Variants in ZC3H13 observed in about 807,000 individuals in gnomAD.
ZC3H13 encodes zinc finger CCCH domain-containing protein 13.
ZC3H13 carries 64 observed loss-of-function variants against 204.1 expected under a neutral mutation model. The ratio of observed to expected loss-of-function variants is 0.31; its 90% CI spans 0.26 to 0.39. The LOEUF is 0.39. Among genes scored for constraint, ZC3H13 ranks in the 10% least tolerant of loss-of-function variants. The pLI, the probability that ZC3H13 is intolerant of heterozygous loss-of-function variation, is 1.00. For synonymous variants in ZC3H13, 667 were observed against 693.7 expected, an observed-to-expected ratio of 0.96 and a Z score of 0.60; for missense variants, 1,833 against 2,082.7, an observed-to-expected ratio of 0.88 and a Z score of 2.33.
intron 8 of ZC3H13, among the ~76,000 whole-genome samples, chr13:45,995,997 A>T (rs967473855): frequency 6.6e-6 from 1 of 152,222 alleles, no homozygotes; most frequent in African/African-American, 2.4e-5. Context: ...TAGCATTATG[A>T]TTAAAACATA....
At chr13:46,023,785 CTT>C (rs769173333) in intron 4 of ZC3H13, among the ~76,000 whole-genome samples, 54 of 152,292 alleles carry the variant, frequency 3.5e-4, no homozygotes, top group Middle Eastern at 3.4e-3. Context: ...AATATTCACT[CTT>C]GTTTTCATTT....
At chr13:45,994,611 G>A (rs2040201509) in intron 8 of ZC3H13, among the ~76,000 whole-genome samples, 1 of 152,158 alleles carries the variant, frequency 6.6e-6, no homozygotes, top group Non-Finnish European at 1.5e-5. Context: ...ACAAATAGCT[G>A]GTATTCCTGC....
intron 4 of ZC3H13, among the ~76,000 whole-genome samples, chr13:46,029,101 G>A (rs2042718478): frequency 6.6e-6 from 1 of 151,980 alleles, no homozygotes; most frequent in African/African-American, 2.4e-5. Context: ...ATTATCAATA[G>A]GAGAAACAAA....
intron 5 of ZC3H13, among the ~76,000 whole-genome samples, chr13:46,017,773 T>A (rs1368803910): frequency 6.6e-6 from 1 of 152,016 alleles, no homozygotes; most frequent in Non-Finnish European, 1.5e-5. Flanking sequence ...ATGCAGAAGG[T>A]AAGTCTATGA....
intron 9 of ZC3H13, among the ~76,000 whole-genome samples, chr13:45,987,462 C>T (rs761907145): frequency 7.9e-5 from 12 of 151,910 alleles, no homozygotes; most frequent in African/African-American, 1.7e-4. Context: ...TAGAAAGGTA[C>T]AATATAAGAG....
In ZC3H13 at chr13:46,006,083, C is replaced by CTA. The variant is rs147786821; in HGVS notation, c.747-2748_747-2747insTA. On this transcript the variant is annotated intron_variant, in intron 7 of 18. Coordinates refer to ENST00000679008, the MANE Select transcript of ZC3H13 (RefSeq NM_001330564.2). ...CTGGGTGACAGAGTGGGACTCTGTCCCAAAAAAAAAAAAAAAAGTTGTTCA... is the reference window on the plus strand; with the variant it reads ...CTGGGTGACAGAGTGGGACTCTGTCCTACAAAAAAAAAAAAAAAAGTTGTTCA... Among the ~76,000 whole-genome samples, 1,170 of 146,218 alleles carry CTA rather than the reference C, an allele frequency of 8.0e-3. 25 individuals are homozygous for CTA. Among genetic ancestry groups the CTA allele is most frequent in the African/African-American group, 0.018 (710 of 39,608 alleles).
At chr13:46,005,334 A>G (rs898397875) in intron 7 of ZC3H13, among the ~76,000 whole-genome samples, 3 of 152,158 alleles carry the variant, frequency 2.0e-5, no homozygotes, top group African/African-American at 4.8e-5. Context: ...CAGTTACTGT[A>G]TCTCTTGGAT....
intron 4 of ZC3H13, among the ~76,000 whole-genome samples, chr13:46,033,654 G>A (rs545864859): frequency 2.7e-4 from 41 of 152,142 alleles, no homozygotes; most frequent in Non-Finnish European, 5.7e-4. Context: ...CTAATCTAGC[G>A]GTAAAAGCTT....
At chr13:46,015,057 T>C (rs916660228) in intron 5 of ZC3H13, among the ~76,000 whole-genome samples, 2 of 152,330 alleles carry the variant, frequency 1.3e-5, no homozygotes, top group East Asian at 1.9e-4. Flanking sequence ...TATTTTTCTA[T>C]GACATTATTT....
chr13:45,979,841 C>A lies in ZC3H13; in HGVS notation c.1884G>T (p.Glu628Asp). The A allele has an allele frequency of 6.3e-7, 1 of 1,596,062 alleles. No homozygotes were observed. Among genetic ancestry groups the A allele is most frequent in the Non-Finnish European group, 8.5e-7 (1 of 1,172,640 alleles). ...RDSSFERRHGERDRRDNRERD... is the reference protein window; with the variant it reads ...RDSSFERRHGDRDRRDNRERD... ...TCTCTCTGTTGTCACGACGGTCTCG[C>A]TCTCCATGTCTTCTCTCAAAGGAAG... Residue 628 changes from glutamate (E) to aspartate (D), a missense_variant, in exon 11 of 19, where the codon GAG (glutamate) becomes GAT (aspartate). Transcript: ENST00000679008.
At chr13:45,958,381 C>T (rs543179729) in intron 18 of ZC3H13, among the ~76,000 whole-genome samples, 1 of 152,184 alleles carries the variant, frequency 6.6e-6, no homozygotes, top group Non-Finnish European at 1.5e-5. Flanking sequence ...ATCACACCAA[C>T]TCTCTTTTGT....
rs138620169 is a variant in ZC3H13, at chr13:45,969,154, G to C, written c.3390C>G (p.Phe1130Leu). The change falls in exon 14 of 19, where the codon TTC becomes TTG. Residue 1130 changes from phenylalanine to leucine, a missense_variant. Physicochemically the swap from Phe to Leu is conservative, Grantham distance 22. Transcript: ENST00000679008. Reference protein sequence around the residue: ...AATTAAAATSFSTSAITISTS... With the variant: ...AATTAAAATSLSTSAITISTS... ...TGGAAATAGTGATGGCAGATGTGCTGAAAGAGGTGGCGGCAGCAGCAGTAG... is the reference window on the plus strand; with the variant it reads ...TGGAAATAGTGATGGCAGATGTGCTCAAAGAGGTGGCGGCAGCAGCAGTAG... 1 of 1,614,024 alleles carries C rather than the reference G, an allele frequency of 6.2e-7. No individual in the cohort carries two copies. Among genetic ancestry groups the C allele is most frequent in the Non-Finnish European group, 8.5e-7 (1 of 1,180,008 alleles).
Position 45,969,307 on chromosome 13 carries a change from T to C in ZC3H13, c.3237A>G (p.Thr1079=). The C allele has an allele frequency of 6.2e-7, 1 of 1,613,936 alleles. No individual in the cohort carries two copies. ...DEDVPDRTEV[T]EAEHTATATT... is the part of the protein sequence containing the mutation. ...TGGCGGTGGCAGTATGCTCTGCTTCTGTCACCTCTGTACGGTCAGGGACAT... is the reference window on the plus strand; with the variant it reads ...TGGCGGTGGCAGTATGCTCTGCTTCCGTCACCTCTGTACGGTCAGGGACAT... The change falls in exon 14 of 19, where the codon ACA becomes ACG. Residue 1079 remains threonine, a synonymous_variant. Transcript: ENST00000679008.
At chr13:45,987,943 C>A (rs1280595305) in intron 9 of ZC3H13, among the ~76,000 whole-genome samples, 1 of 152,108 alleles carries the variant, frequency 6.6e-6, no homozygotes, top group East Asian at 1.9e-4. Context: ...TAGGGAGTAG[C>A]AAATCCAAAG....
chr13:46,010,614 T>G, intron 6 of ZC3H13, 109 bp from the exon 7 acceptor site: 1 of 1,219,004 alleles, frequency 8.2e-7, no homozygotes, highest in Non-Finnish European at 1.1e-6. Context: ...TAAATATTAT[T>G]GCCGGGTGCA....
Position 45,959,756 on chromosome 13 carries a change from TG to T in ZC3H13, c.4676-111del, listed in dbSNP as rs1951539600. 5.7e-6 allele frequency: 7 copies of T among 1,218,680 alleles called. No homozygotes were observed. In the South Asian group the frequency reaches 1.2e-4, roughly 21 times the overall value. The allele number at this position is 1,218,680 out of a possible 1,614,324, so 75.5% of individuals were successfully genotyped here. On this transcript the variant is annotated intron_variant, in intron 17 of 18. Coordinates refer to ENST00000679008, the MANE Select transcript of ZC3H13 (RefSeq NM_001330564.2). ...TATACTTTATTAAAGTTAGCAACATTGGTGAAAATTATTTCACATTAAAGGC... is the reference window on the plus strand; with the variant it reads ...TATACTTTATTAAAGTTAGCAACATTGTGAAAATTATTTCACATTAAAGGC...
chr13:46,024,290 C>T (rs975672815), intron 4 of ZC3H13, among the ~76,000 whole-genome samples: 3 of 152,200 alleles, frequency 2.0e-5, no homozygotes, highest in African/African-American at 7.2e-5. Flanking sequence ...ATTCACATTT[C>T]CGACCCTTCT....
Position 45,957,274 on chromosome 13 carries a change from C to T in ZC3H13, c.4863G>A (p.Thr1621=), listed in dbSNP as rs147357261. 247 of 1,536,022 alleles carry T rather than the reference C, an allele frequency of 1.6e-4. No homozygotes were observed. In the African/African-American group the frequency reaches 2.2e-3, roughly 13 times the overall value. The change falls in exon 19 of 19, where the codon ACG becomes ACA. Residue 1621 remains threonine (T), a synonymous_variant. Transcript: ENST00000679008. The part of the protein sequence containing the change: ...NEKGTIKQAY[T]SAPMVDNELL... ...ATTCATTGTCTACCATTGGAGCACTCGTGTAAGCTTGTTTTATGGTGCCCT... is the reference window on the plus strand; with the variant it reads ...ATTCATTGTCTACCATTGGAGCACTTGTGTAAGCTTGTTTTATGGTGCCCT...
At chr13:46,018,480 G>A (rs934673624) in intron 5 of ZC3H13, among the ~76,000 whole-genome samples, 5 of 151,932 alleles carry the variant, frequency 3.3e-5, no homozygotes, top group Admixed American at 3.3e-4. Context: ...GCTGAGGCAG[G>A]AGGAAATCAG....
Sources: gnomAD v4.1 joint callset for allele counts (sites outside exome capture counted in the v4.1 genomes callset) on GRCh38, gnomAD v4.1.1 for gene constraint, MANE v1.5 for transcripts, NCBI Gene and HGNC (gene_info 2026-07-23, HGNC 2026-07-21) for gene names.